Variants in GRAMD1B observed in about 807,000 individuals in gnomAD.
The protein encoded by GRAMD1B is GRAM domain containing 1B, also known as protein Aster-B.
GRAMD1B carries 37 observed loss-of-function variants against 99.7 expected under a neutral mutation model. The observed-to-expected ratio is 0.37, with a 90% CI of 0.29 to 0.49. The LOEUF (loss-of-function observed/expected upper bound fraction) is 0.49, where lower values mean the gene tolerates loss of function less well. Among genes scored for constraint, GRAMD1B ranks in the 20% least tolerant of loss-of-function variants. The probability of loss-of-function intolerance (pLI) is 0.98; values close to 1 mark genes in which losing one functional copy is unlikely to be tolerated. For synonymous variants in GRAMD1B, 427 were observed against 387.6 expected, an observed-to-expected ratio of 1.10 and a Z score of -1.19; for missense variants, 888 against 1,009.2, an observed-to-expected ratio of 0.88 and a Z score of 1.63.
intron 2 of GRAMD1B, among the ~76,000 whole-genome samples, chr11:123,555,908 A>AT (rs1272612739): frequency 3.3e-5 from 5 of 150,890 alleles, no homozygotes; most frequent in African/African-American, 1.2e-4. Context: ...TAATTTTTGT[A>AT]TTTTTAGTAG....
At chr11:123,592,590 T>C (rs1392043596) in intron 4 of GRAMD1B, among the ~76,000 whole-genome samples, 3 of 152,178 alleles carry the variant, frequency 2.0e-5, no homozygotes, top group African/African-American at 4.8e-5. Flanking sequence ...GGGTTTTCAG[T>C]GTGTGGACTC....
chr11:123,561,678 T>G (rs928620433), intron 2 of GRAMD1B, among the ~76,000 whole-genome samples: 44 of 152,358 alleles, frequency 2.9e-4, no homozygotes, highest in Non-Finnish European at 1.5e-4. Context: ...TCTCTGGTAC[T>G]TGCTAGCACA....
At chr11:123,598,894 C>G (rs1229648985) in intron 7 of GRAMD1B, 6 of 1,332,018 alleles carry the variant, frequency 4.5e-6, no homozygotes, top group Non-Finnish European at 5.4e-6. Context: ...AGCAGCATCT[C>G]TAGGTATCTC....
intron 2 of GRAMD1B, among the ~76,000 whole-genome samples, chr11:123,553,232 AACACTTAGAAAAGAAAAAGATAAT>A (rs1404959334): frequency 6.6e-6 from 1 of 152,248 alleles, no homozygotes; most frequent in East Asian, 1.9e-4. Flanking sequence ...GGTTGTAGTG[AACACTTAGAAAAGAAAAAGATAAT>A]ACCCAGGAGC....
chr11:123,376,744 A>C (rs554082869), intron 1 of GRAMD1B, among the ~76,000 whole-genome samples: 1 of 152,280 alleles, frequency 6.6e-6, no homozygotes, highest in African/African-American at 2.4e-5. Flanking sequence ...CTGGTCAAGG[A>C]ACAGGGAAGT....
chr11:123,381,023 G>C (rs1041762631), intron 1 of GRAMD1B, among the ~76,000 whole-genome samples: 2 of 151,866 alleles, frequency 1.3e-5, no homozygotes, highest in African/African-American at 2.4e-5. Flanking sequence ...GAACTCATAA[G>C]GTTTCCATGG....
At chr11:123,595,589 A>G (rs1148100) in intron 6 of GRAMD1B, among the ~76,000 whole-genome samples, 150,602 of 152,274 alleles carry the variant, frequency 0.99, 74,479 homozygotes, top group East Asian at 1. Context: ...CCCTGTGCCC[A>G]GCCTAACTAG....
At chr11:123,584,391 G>GGTGGGGGGAAAGGGTGTGGGGTGCGA in intron 4 of GRAMD1B, 59 bp downstream of exon 4, 1 of 953,614 alleles carries the variant, frequency 1.0e-6, no homozygotes, top group Non-Finnish European at 1.6e-6. Flanking sequence ...GGGAATGGAG[G>GGTGGGGGGAAAGGGTGTGGGGTGCGA]TTGGGGGAAG....
Position 123,417,417 on chromosome 11 carries a change from C to T in GRAMD1B, c.-176+58618C>T, listed in dbSNP as rs571522225. Among the ~76,000 whole-genome samples the T allele has an allele frequency of 1.2e-4, 19 of 152,250 alleles. No individual in the cohort carries two copies. In the South Asian group the frequency reaches 1.7e-3, roughly 13 times the overall value. ...AATGTGTAATGGTATTTTGTACAGG[C>T]ACATGCAATCATTGTGTAGTATAGG... On this transcript the variant is annotated intron_variant, in intron 1 of 20. Transcript: ENST00000638157.
chr11:123,448,516 G>C (rs1203450090), intron 1 of GRAMD1B, among the ~76,000 whole-genome samples: 1 of 152,232 alleles, frequency 6.6e-6, no homozygotes, highest in Admixed American at 6.5e-5. Flanking sequence ...AGCATGCCCA[G>C]CCTCCACTTT....
chr11:123,394,454 G>A (rs1035597712), intron 1 of GRAMD1B, among the ~76,000 whole-genome samples: 1 of 152,076 alleles, frequency 6.6e-6, no homozygotes, highest in Non-Finnish European at 1.5e-5. Context: ...TCTCTTCAAG[G>A]CTGCAATTGC....
intron 2 of GRAMD1B, among the ~76,000 whole-genome samples, chr11:123,539,363 AG>A (rs1475474844): frequency 2.6e-5 from 4 of 152,122 alleles, no homozygotes; most frequent in Non-Finnish European, 5.9e-5. Context: ...GCACTTTGGG[AG>A]GCTAAGGGTA....
intron 2 of GRAMD1B, among the ~76,000 whole-genome samples, chr11:123,519,324 G>C (rs897013563): frequency 1.1e-4 from 17 of 152,358 alleles, no homozygotes; most frequent in African/African-American, 3.6e-4. Flanking sequence ...CAGGGAAGTG[G>C]TGGGGAGCAC....
chr11:123,506,517 A>C (rs1940445213), intron 2 of GRAMD1B, among the ~76,000 whole-genome samples: 1 of 152,172 alleles, frequency 6.6e-6, no homozygotes, highest in Non-Finnish European at 1.5e-5. Flanking sequence ...GAATGATATT[A>C]TAAAGAGGCA....
chr11:123,381,282 G>T (rs1946864519), intron 1 of GRAMD1B, among the ~76,000 whole-genome samples: 1 of 152,216 alleles, frequency 6.6e-6, no homozygotes, highest in African/African-American at 2.4e-5. Flanking sequence ...CTGCTGCTGG[G>T]TGGGTTGTTT....
At chr11:123,588,899 G>T (rs1485986862) in intron 4 of GRAMD1B, among the ~76,000 whole-genome samples, 1 of 151,972 alleles carries the variant, frequency 6.6e-6, no homozygotes, top group Non-Finnish European at 1.5e-5. Context: ...TTGGATTTTG[G>T]AATATTTGCA....
Position 123,587,790 on chromosome 11 carries a change from G to A in GRAMD1B, c.684+3458G>A, listed in dbSNP as rs1027573840. Among the ~76,000 whole-genome samples, 4 of 152,160 alleles carry A rather than the reference G, an allele frequency of 2.6e-5. No homozygotes were observed. Among genetic ancestry groups the A allele is most frequent in the Non-Finnish European group, 4.4e-5 (3 of 68,026 alleles). ...AGCCTGGGGAGTGGCTGGCACAAGC[G>A]AGAAAGCAAAAGAACAAAGGTTTGT... On this transcript the variant is annotated intron_variant, in intron 4 of 19. Transcript: ENST00000635736. The surrounding 1 kb of genome is among the most constrained non-coding windows in gnomAD (Gnocchi z 4.2).
chr11:123,401,659 AG>A (rs753111125), intron 1 of GRAMD1B, among the ~76,000 whole-genome samples: 2 of 152,202 alleles, frequency 1.3e-5, no homozygotes, highest in Non-Finnish European at 2.9e-5. Flanking sequence ...GTGTGGTGGC[AG>A]GGGTGGGGGA....
chr11:123,465,340 C>G (rs758452721), intron 1 of GRAMD1B, among the ~76,000 whole-genome samples: 1 of 152,144 alleles, frequency 6.6e-6, no homozygotes, highest in South Asian at 2.1e-4. Context: ...AGAAACCACA[C>G]GTACATTTTT....
Sources: allele counts gnomAD v4.1 joint callset (sites outside exome capture counted in the v4.1 genomes callset), GRCh38; gene constraint gnomAD v4.1.1; non-coding constraint Gnocchi (gnomAD v3.1); transcripts MANE v1.5; gene names NCBI Gene and HGNC (gene_info 2026-07-23, HGNC 2026-07-21).